Variants in ZNF578 observed in about 807,000 individuals in gnomAD.
ZNF578 encodes zinc finger protein 578.
Under a neutral mutation model 8.3 loss-of-function variants are expected in ZNF578, and 8 were observed. The ratio of observed to expected loss-of-function variants is 0.96; its 90% CI spans 0.56 to 1.74. The LOEUF is 1.74. Among genes scored for constraint, ZNF578 ranks in the 40% most tolerant of loss-of-function variants. The pLI is 0.00. For synonymous variants in ZNF578, 206 were observed against 232.2 expected, an observed-to-expected ratio of 0.89 and a Z score of 1.03; for missense variants, 726 against 707.5, an observed-to-expected ratio of 1.03 and a Z score of -0.30.
chr19:52,513,677 C>T lies in ZNF578; in HGVS notation c.*1523C>T, dbSNP rs1353459413. The stretch of plus-strand genomic sequence containing the variant: ...CCCAGGAGGCGGTGCTTGCAGGGAG[C>T]CGAGATCGTGCCACTGCACTCCAGG... On this transcript the variant is annotated 3_prime_UTR_variant, in exon 6 of 6. Transcript: ENST00000421239. Among the ~76,000 whole-genome samples, 1 of 150,412 alleles carries T rather than the reference C, an allele frequency of 6.6e-6. No individual in the cohort carries two copies. The highest frequency in any genetic ancestry group is 1.5e-5 in the Non-Finnish European group (1 of 67,822).
chr19:52,497,665 T>C (rs576564618), intron 3 of ZNF578, among the ~76,000 whole-genome samples: 1 of 152,380 alleles, frequency 6.6e-6, no homozygotes, highest in East Asian at 1.9e-4. Context: ...CTTTCTAGTC[T>C]TTATCATATA....
At chr19:52,509,775 C>G (rs1357105400) in intron 5 of ZNF578, among the ~76,000 whole-genome samples, 2 of 151,992 alleles carry the variant, frequency 1.3e-5, no homozygotes, top group Non-Finnish European at 2.9e-5. Flanking sequence ...AATAAAACTA[C>G]AAAAAATGGT....
At chr19:52,481,814 T>G (rs1568459601) in intron 2 of ZNF578, among the ~76,000 whole-genome samples, 1 of 152,164 alleles carries the variant, frequency 6.6e-6, no homozygotes, top group Non-Finnish European at 1.5e-5. Flanking sequence ...AACTGCAGCC[T>G]TGACCTGCTA....
rs66824085 is a variant in ZNF578, at chr19:52,499,689, G to GTTTTTTTTTTTTTTT, written c.-19-2125_-19-2124insTTTTTTTTTTTTTTT. 3.0e-4 allele frequency among the ~76,000 whole-genome samples: 43 copies of GTTTTTTTTTTTTTTT among 141,542 alleles called. 5 individuals are homozygous for GTTTTTTTTTTTTTTT. Among genetic ancestry groups the GTTTTTTTTTTTTTTT allele is most frequent in the African/African-American group, 9.9e-4 (37 of 37,490 alleles). The allele number at this position is 141,542 out of a possible 152,430, so 92.9% of individuals were successfully genotyped here. Reference sequence around the variant, plus strand: ...TGAGAAGATACATCACTTCCAAATCGTTTTTTTTTTTTTGAGATGAATTTT... The same window carrying GTTTTTTTTTTTTTTT: ...TGAGAAGATACATCACTTCCAAATCGTTTTTTTTTTTTTTTTTTTTTTTTTTTTGAGATGAATTTT... On this transcript the variant is annotated intron_variant, in intron 3 of 5. Coordinates refer to ENST00000421239, the MANE Select transcript of ZNF578 (RefSeq NM_001099694.2).
chr19:52,504,154 G>A (rs912561694), intron 4 of ZNF578, among the ~76,000 whole-genome samples: 3 of 147,796 alleles, frequency 2.0e-5, no homozygotes, highest in Non-Finnish European at 3.0e-5. Flanking sequence ...GCAGTGGTGC[G>A]ATCTTGGCTC....
At chr19:52,458,300 G>A (rs968057734) in intron 2 of ZNF578, 1 of 151,972 alleles carries the variant, frequency 6.6e-6, no homozygotes, top group African/African-American at 2.4e-5. Flanking sequence ...GATGTTTCAG[G>A]TGAAAATGGT....
At chr19:52,480,919 A>C (rs1439268761) in intron 2 of ZNF578, among the ~76,000 whole-genome samples, 1 of 146,732 alleles carries the variant, frequency 6.8e-6, no homozygotes, top group Non-Finnish European at 1.5e-5. Context: ...AATAATAATA[A>C]TAATAATAAT....
intron 2 of ZNF578, among the ~76,000 whole-genome samples, chr19:52,481,489 A>G (rs2059326255): frequency 6.6e-6 from 1 of 152,214 alleles, no homozygotes; most frequent in Non-Finnish European, 1.5e-5. Flanking sequence ...ATATAATATA[A>G]TAATTAAAAC....
At chr19:52,501,938 T>C (rs2122939016) in intron 4 of ZNF578, 30 bp downstream of exon 4, 2 of 1,607,566 alleles carry the variant, frequency 1.2e-6, no homozygotes, top group Non-Finnish European at 8.5e-7. Flanking sequence ...TGGATTAATC[T>C]GTCTCTTTCC....
At chr19:52,493,667 G>A (rs59575802) in intron 3 of ZNF578, among the ~76,000 whole-genome samples, 2,011 of 152,010 alleles carry the variant, frequency 0.013, 47 homozygotes, top group African/African-American at 0.046. Context: ...GATTGAGGAC[G>A]ATCGAAAGAT....
At chr19:52,496,490 C>T (rs1429757237) in intron 3 of ZNF578, among the ~76,000 whole-genome samples, 2 of 146,826 alleles carry the variant, frequency 1.4e-5, no homozygotes, top group East Asian at 3.9e-4. Flanking sequence ...CCACCGCGCC[C>T]AGCTAATTTT....
intron 5 of ZNF578, among the ~76,000 whole-genome samples, chr19:52,507,687 C>T (rs973943598): frequency 1.3e-5 from 2 of 152,346 alleles, no homozygotes; most frequent in African/African-American, 4.8e-5. Context: ...GCCCAGCCGT[C>T]TTCCTGCTGT....
At chr19:52,500,256 C>T (rs2059401803) in intron 3 of ZNF578, among the ~76,000 whole-genome samples, 2 of 152,086 alleles carry the variant, frequency 1.3e-5, no homozygotes, top group South Asian at 4.1e-4. Flanking sequence ...TTTATGGAGA[C>T]ATGAGACATC....
intron 2 of ZNF578, chr19:52,458,640 T>C (rs561003095): frequency 1.3e-5 from 2 of 151,970 alleles, no homozygotes; most frequent in East Asian, 3.9e-4. Context: ...TTTTAATTTC[T>C]GTGGTTTTTA....
chr19:52,501,969 T>G (rs1446478422), intron 4 of ZNF578, 61 bp downstream of exon 4: 2 of 1,586,084 alleles, frequency 1.3e-6, no homozygotes, highest in African/African-American at 2.7e-5. Context: ...GTAGTAGTAT[T>G]ATATTGTATT....
rs551581079 is a variant in ZNF578, at chr19:52,468,314, A to G, written c.-122+11356A>G. On this transcript the variant is annotated intron_variant, in intron 2 of 5. Coordinates refer to ENST00000421239, the MANE Select transcript of ZNF578 (RefSeq NM_001099694.2). ...ATATTATGTAAATAAACACTTCACA[A>G]TAATTTTCACTGAACTGATATGAAA... Among the ~76,000 whole-genome samples, 66 of 152,308 alleles carry G rather than the reference A, an allele frequency of 4.3e-4. 1 individual carries two copies. The highest frequency in any genetic ancestry group is 1.6e-3 in the African/African-American group (66 of 41,578).
intron 3 of ZNF578, 149 bp from the exon 4 acceptor site, chr19:52,501,678 G>A (rs2059408023): frequency 2.6e-6 from 2 of 777,546 alleles, no homozygotes; most frequent in Non-Finnish European, 4.0e-6. Flanking sequence ...CTTCCTGTGG[G>A]ACTTTCTTAT....
chr19:52,504,686 A>G lies in ZNF578; in HGVS notation c.95A>G (p.Glu32Gly). The G allele has an allele frequency of 1.9e-6, 3 of 1,614,096 alleles. No homozygotes were observed. Among genetic ancestry groups the G allele is most frequent in the East Asian group, 2.2e-5 (1 of 44,878 alleles). ...GRLTFRDVAI[E>G]FSLAEWKFLN... ...TTGACTTTCAGGGATGTGGCTATAGAATTCTCATTGGCAGAGTGGAAATTC... is the reference window on the plus strand; with the variant it reads ...TTGACTTTCAGGGATGTGGCTATAGGATTCTCATTGGCAGAGTGGAAATTC... The change falls in exon 5 of 6, where the codon GAA (glutamate) becomes GGA (glycine). Residue 32 changes from glutamate to glycine, a missense_variant. Physicochemically the swap from Glu to Gly is moderately conservative, Grantham distance 98. Transcript: ENST00000421239.
rs1157075852 is a variant in ZNF578 at position 52,501,885 on chromosome 19, G to A, written c.40G>A (p.Glu14Lys). Residue 14 changes from glutamate (E) to lysine (K), a missense_variant, in exon 4 of 6, where the codon GAG becomes AAG. Physicochemically the swap from Glu to Lys is moderately conservative, Grantham distance 56. Coordinates refer to ENST00000421239, the MANE Select transcript of ZNF578 (RefSeq NM_001099694.2). Reference protein sequence around the residue: ...EEAAQKRKGKEPGMALPQGRL... With the variant: ...EEAAQKRKGKKPGMALPQGRL... ...AGCAGCTCAGAAGAGGAAAGGAAAG[G>A]AGCCAGGCATGGCTCTTCCTCAGGT... 1 of 1,613,362 alleles carries A rather than the reference G, an allele frequency of 6.2e-7. No homozygotes were observed. Among genetic ancestry groups the A allele is most frequent in the African/African-American group, 1.3e-5 (1 of 74,900 alleles).
Sources: allele counts gnomAD v4.1 joint callset (sites outside exome capture counted in the v4.1 genomes callset), GRCh38; gene constraint gnomAD v4.1.1; transcripts MANE v1.5; gene names NCBI Gene and HGNC (gene_info 2026-07-23, HGNC 2026-07-21).